The following NKAIN2 variants were observed in gnomAD, a reference collection of about 807,000 sequenced individuals.
The protein encoded by NKAIN2 is sodium/potassium transporting ATPase interacting 2.
In NKAIN2, 14 loss-of-function variants were observed where a neutral mutation model predicts 32.6. The observed-to-expected ratio is 0.43, with a 90% CI of 0.28 to 0.67. The LOEUF (loss-of-function observed/expected upper bound fraction) is 0.67, where lower values mean the gene tolerates loss of function less well. Ranked by LOEUF, NKAIN2 falls within the 30% of genes least tolerant of loss-of-function variation. NKAIN2 has a pLI of 0.17. For missense variants in NKAIN2, 198 were observed against 258.3 expected (o/e 0.77, Z 1.60); for synonymous variants, 80 against 87.2 (o/e 0.92, Z 0.46).
At chr6:124,257,962 G>T (rs1225588077) in intron 1 of NKAIN2, among the ~76,000 whole-genome samples, 1 of 151,440 alleles carries the variant, frequency 6.6e-6, no homozygotes, top group Non-Finnish European at 1.5e-5. Context: ...TGTATTTTTA[G>T]TAGAGACGGG....
At chr6:124,274,666 G>T (rs559301705) in intron 1 of NKAIN2, among the ~76,000 whole-genome samples, 2 of 151,882 alleles carry the variant, frequency 1.3e-5, no homozygotes, top group African/African-American at 2.4e-5. Flanking sequence ...CCTTGTAAAC[G>T]CATGATTTAA....
At chr6:124,423,989 A>C (rs1350368965) in intron 3 of NKAIN2, among the ~76,000 whole-genome samples, 1 of 152,098 alleles carries the variant, frequency 6.6e-6, no homozygotes, top group East Asian at 1.9e-4. Flanking sequence ...AAACACTTTT[A>C]ATTTAACTTT....
intron 1 of NKAIN2, among the ~76,000 whole-genome samples, chr6:123,857,527 G>A (rs1024466749): frequency 6.6e-5 from 10 of 151,932 alleles, no homozygotes; most frequent in South Asian, 2.1e-4. Flanking sequence ...TTTTAAGTTC[G>A]TAGAAGATTA....
chr6:124,062,344 T>A (rs1562335896), intron 1 of NKAIN2, among the ~76,000 whole-genome samples: 1 of 152,220 alleles, frequency 6.6e-6, no homozygotes, highest in Non-Finnish European at 1.5e-5. Context: ...GCTTCATGTC[T>A]GCGCATTTGC....
At position 124,823,587 on chromosome 6, in the gene NKAIN2, G is replaced by A. The variant is rs1354778220; in HGVS notation, c.*358G>A. On this transcript the variant is annotated 3_prime_UTR_variant, in exon 7 of 7. Transcript: ENST00000368417. ...TTGCTAACTCCTCTGCAGCCCAGCG[G>A]GTTGGCCTCTGTGAGCTGGGAAGTC... 3 of 233,218 alleles carry A rather than the reference G, an allele frequency of 1.3e-5. No homozygotes were observed. The highest frequency in any genetic ancestry group is 2.5e-5 in the Non-Finnish European group (3 of 118,212). 14.4% of individuals were successfully genotyped at this position (233,218 alleles called of 1,614,324 possible).
At chr6:124,492,304 G>A (rs184726521) in intron 3 of NKAIN2, among the ~76,000 whole-genome samples, 1 of 151,918 alleles carries the variant, frequency 6.6e-6, no homozygotes, top group Non-Finnish European at 1.5e-5. Context: ...GAAAACAACA[G>A]AAAATAATGT....
intron 1 of NKAIN2, among the ~76,000 whole-genome samples, chr6:123,990,012 G>C (rs1284072443): frequency 6.6e-6 from 1 of 152,154 alleles, no homozygotes; most frequent in South Asian, 2.1e-4. Flanking sequence ...GAGGCCTCAG[G>C]AAACTTACAA....
chr6:123,994,532 C>G (rs1334217087), intron 1 of NKAIN2, among the ~76,000 whole-genome samples: 1 of 151,946 alleles, frequency 6.6e-6, no homozygotes, highest in Non-Finnish European at 1.5e-5. Context: ...GGACTTTTTC[C>G]CTGGGAGTTA....
intron 1 of NKAIN2, among the ~76,000 whole-genome samples, chr6:123,948,597 A>ATTTTTTTTTTTTTT (rs71021472): frequency 2.0e-5 from 1 of 49,316 alleles, no homozygotes; most frequent in Non-Finnish European, 4.1e-5. Context: ...CTTAAATGGG[A>ATTTTTTTTTTTTTT]TTTTTTTTTT....
intron 3 of NKAIN2, among the ~76,000 whole-genome samples, chr6:124,549,702 T>C (rs1473169816): frequency 2.6e-5 from 4 of 152,212 alleles, no homozygotes; most frequent in African/African-American, 9.6e-5. Flanking sequence ...CTTTGAACGT[T>C]TGAAGAATAC....
At chr6:124,089,280 G>T (rs773986003) in intron 1 of NKAIN2, among the ~76,000 whole-genome samples, 1 of 151,720 alleles carries the variant, frequency 6.6e-6, no homozygotes, top group Non-Finnish European at 1.5e-5. Flanking sequence ...AGGCACATTA[G>T]TGTGAGTACC....
chr6:124,043,255 G>A (rs115760746), intron 1 of NKAIN2, among the ~76,000 whole-genome samples: 3,158 of 152,100 alleles, frequency 0.021, 116 homozygotes, highest in African/African-American at 0.072. Context: ...CTACTCAGGA[G>A]TCTAGGAGGC....
intron 2 of NKAIN2, among the ~76,000 whole-genome samples, chr6:124,339,242 G>A (rs1424530195): frequency 6.6e-6 from 1 of 152,252 alleles, no homozygotes; most frequent in East Asian, 1.9e-4. Flanking sequence ...TCACCCGGGA[G>A]GCTGAGGCAG....
At chr6:124,474,180 G>A (rs1301145533) in intron 3 of NKAIN2, among the ~76,000 whole-genome samples, 2 of 151,470 alleles carry the variant, frequency 1.3e-5, no homozygotes, top group Non-Finnish European at 2.9e-5. Flanking sequence ...ATAATCTTTA[G>A]AGCTCTATTT....
intron 5 of NKAIN2, among the ~76,000 whole-genome samples, chr6:124,807,346 T>A (rs1414876218): frequency 6.7e-6 from 1 of 150,138 alleles, no homozygotes; most frequent in Non-Finnish European, 1.5e-5. Flanking sequence ...CACTCAAAAC[T>A]GCTCAACTAC....
intron 3 of NKAIN2, among the ~76,000 whole-genome samples, chr6:124,559,607 T>C (rs1318573474): frequency 6.6e-6 from 1 of 152,176 alleles, no homozygotes; most frequent in Non-Finnish European, 1.5e-5. Context: ...GCAATGTGAT[T>C]CTCTTTGGCT....
intron 2 of NKAIN2, among the ~76,000 whole-genome samples, chr6:124,335,566 A>T (rs1012866721): frequency 6.6e-6 from 1 of 152,160 alleles, no homozygotes; most frequent in South Asian, 2.1e-4. Flanking sequence ...TATTTTTCCA[A>T]CTCTAAAAGG....
intron 3 of NKAIN2, among the ~76,000 whole-genome samples, chr6:124,598,184 A>C (rs75095016): frequency 0.084 from 12,740 of 152,244 alleles, 639 homozygotes; most frequent in South Asian, 0.19. Context: ...TCTAGGAAAA[A>C]CTAGTTGTGA....
intron 4 of NKAIN2, among the ~76,000 whole-genome samples, chr6:124,713,101 G>T (rs1482385498): frequency 2.0e-5 from 3 of 152,126 alleles, no homozygotes; most frequent in Non-Finnish European, 4.4e-5. Context: ...TTTATGGAGT[G>T]TTGCCTACAT....
Sources: gnomAD v4.1 joint callset for allele counts (sites outside exome capture counted in the v4.1 genomes callset) on GRCh38, gnomAD v4.1.1 for gene constraint, MANE v1.5 for transcripts, NCBI Gene and HGNC (gene_info 2026-07-23, HGNC 2026-07-21) for gene names.